Variants in ZNF444 observed in about 807,000 individuals in gnomAD.
ZNF444 encodes the protein endothelial zinc finger protein 2.
Under a neutral mutation model 14.4 loss-of-function variants are expected in ZNF444, and 8 were observed. The ratio of observed to expected loss-of-function variants is 0.56; its 90% CI spans 0.33 to 1.00. The LOEUF is 1.00. Ranked by LOEUF, ZNF444 falls within the 50% of genes least tolerant of loss-of-function variation. ZNF444 has a pLI of 0.03. For synonymous variants in ZNF444, 258 were observed against 235.9 expected (o/e 1.09, Z -0.86); for missense variants, 510 against 504.8 (o/e 1.01, Z -0.10).
Position 56,146,374 on chromosome 19 carries a change from C to T in ZNF444, c.-69C>T, listed in dbSNP as rs562498568. The T allele has an allele frequency of 1.5e-3, 225 of 152,874 alleles. 1 individual carries two copies. Among genetic ancestry groups the T allele is most frequent in the Middle Eastern group, 3.3e-3 (1 of 302 alleles). The allele number at this position is 152,874 out of a possible 1,614,324, so 9.5% of individuals were successfully genotyped here. ...CCTTTCCTCACCACCCGAGTGAGCG[C>T]TGCCCCCTCACAGAGACCTCTTTGC... On this transcript the variant is annotated 5_prime_UTR_variant, in exon 2 of 5. Coordinates refer to ENST00000337080, the MANE Select transcript of ZNF444 (RefSeq NM_018337.4).
chr19:56,148,320 G>T (rs1329415900), intron 3 of ZNF444, among the ~76,000 whole-genome samples: 1 of 152,046 alleles, frequency 6.6e-6, no homozygotes, highest in Non-Finnish European at 1.5e-5. Flanking sequence ...GAGTGAGGGG[G>T]TGTTTGCGGC....
rs150781839 is a variant in ZNF444, at chr19:56,159,027, CCCAT to C, written c.406+431_406+434del. ...ATCTACTCATCCACCCATGCACCCACCCATCCATCATCTGTACATTCATCCACCC... is the reference window on the plus strand; with the variant it reads ...ATCTACTCATCCACCCATGCACCCACCCATCATCTGTACATTCATCCACCC... On this transcript the variant is annotated intron_variant, in intron 4 of 4. Transcript: ENST00000337080. Among the ~76,000 whole-genome samples the C allele has an allele frequency of 6.9e-3, 1,055 of 151,920 alleles. 16 individuals are homozygous for C. The highest frequency in any genetic ancestry group is 0.024 in the African/African-American group (985 of 41,410).
chr19:56,137,011 G>A (rs1422636164), upstream of ZNF444, among the ~76,000 whole-genome samples: 9 of 151,286 alleles, frequency 5.9e-5, no homozygotes, highest in African/African-American at 9.7e-5. Context: ...TCAAGCTCCC[G>A]ACCTCAGGTA....
At chr19:56,154,988 T>C (rs2031818487) in intron 3 of ZNF444, 2 of 152,266 alleles carry the variant, frequency 1.3e-5, no homozygotes, top group African/African-American at 4.8e-5. Flanking sequence ...TGGGTGACCT[T>C]GGACGCATGT....
Position 56,159,662 on chromosome 19 carries a change from G to T in ZNF444, c.445G>T (p.Asp149Tyr). The change falls in exon 5 of 5, where the codon GAC becomes TAC. Residue 149 changes from aspartate (D) to tyrosine (Y), a missense_variant. Coordinates refer to ENST00000337080, the MANE Select transcript of ZNF444 (RefSeq NM_018337.4). ...APGAEGPAPG[D>Y]SQAVRPYKQE... is the part of the protein sequence containing the mutation. ...TGGGGCTGAGGGGCCGGCGCCTGGG[G>T]ACTCCCAGGCTGTGCGCCCCTACAA... The T allele has an allele frequency of 6.8e-7, 1 of 1,474,142 alleles. No homozygotes were observed. Among genetic ancestry groups the T allele is most frequent in the Admixed American group, 2.6e-5 (1 of 38,574 alleles). The allele number at this position is 1,474,142 out of a possible 1,614,324, so 91.3% of individuals were successfully genotyped here.
intron 1 of ZNF444, among the ~76,000 whole-genome samples, chr19:56,135,878 C>G (rs914823378): frequency 2.4e-4 from 36 of 151,342 alleles, no homozygotes; most frequent in Admixed American, 5.9e-4. Flanking sequence ...ATCAGAAGAT[C>G]GACCAGCCTG....
intron 1 of ZNF444, among the ~76,000 whole-genome samples, chr19:56,135,300 A>C (rs1184858934): frequency 6.6e-6 from 1 of 152,192 alleles, no homozygotes; most frequent in African/African-American, 2.4e-5. Context: ...GCCTGCAACC[A>C]CACAGGTTGC....
intron 1 of ZNF444, chr19:56,142,339 C>G (rs2030881365): frequency 1.3e-5 from 2 of 152,228 alleles, no homozygotes; most frequent in African/African-American, 4.8e-5. Context: ...GGACACAGAG[C>G]TGGTAGGAGG....
At chr19:56,152,365 TTTACTCTTAGA>T (rs2031638140) in intron 3 of ZNF444, among the ~76,000 whole-genome samples, 1 of 152,028 alleles carries the variant, frequency 6.6e-6, no homozygotes, top group East Asian at 1.9e-4. Context: ...TTGCCGGGAT[TTTACTCTTAGA>T]TTTGAAGTTG....
At position 56,146,973 on chromosome 19, in the gene ZNF444, A is replaced by ACCGCTTCCG. The variant is rs747902229; in HGVS notation, c.71_79dup (p.Arg24_Phe26dup). 2.8e-6 allele frequency: 4 copies of ACCGCTTCCG among 1,441,424 alleles called. No individual in the cohort carries two copies. Among genetic ancestry groups the ACCGCTTCCG allele is most frequent in the Non-Finnish European group, 1.8e-6 (2 of 1,106,574 alleles). 89.3% of individuals were successfully genotyped at this position (1,441,424 alleles called of 1,614,324 possible). ...GGCCTGGCGCTGGACTCCCCGTGGC[A>ACCGCTTCCG]CCGCTTCCGCCGCTTCCACCTGGGC... is the stretch of plus-strand genomic sequence containing the variant. On this transcript the variant is annotated inframe_insertion, in exon 3 of 5. Transcript: ENST00000337080.
At chr19:56,153,679 C>T (rs2031723964) in intron 3 of ZNF444, among the ~76,000 whole-genome samples, 1 of 152,158 alleles carries the variant, frequency 6.6e-6, no homozygotes, top group South Asian at 2.1e-4. Context: ...CGGATGGGGG[C>T]AGGGCGTCTG....
chr19:56,156,150 G>C (rs1425474933), intron 3 of ZNF444: 1 of 152,302 alleles, frequency 6.6e-6, no homozygotes, highest in Non-Finnish European at 1.5e-5. Context: ...CACGTATGGT[G>C]AGGTCTGGAA....
upstream of ZNF444, among the ~76,000 whole-genome samples, chr19:56,139,553 G>C (rs1039287550): frequency 3.9e-5 from 6 of 152,062 alleles, no homozygotes; most frequent in African/African-American, 1.4e-4. Flanking sequence ...GGGCATGGTG[G>C]TGCACGCCTG....
Position 56,159,840 on chromosome 19 carries a change from C to T in ZNF444, c.623C>T (p.Ala208Val). 6.4e-7 allele frequency: 1 copy of T among 1,563,310 alleles called. No homozygotes were observed. Among genetic ancestry groups the T allele is most frequent in the Non-Finnish European group, 8.6e-7 (1 of 1,160,854 alleles). The change falls in exon 5 of 5, where the codon GCC becomes GTC. Residue 208 changes from alanine (A) to valine (V), a missense_variant. Transcript: ENST00000337080. The stretch of plus-strand genomic sequence containing the variant: ...AGCCACTCGGGCGAGAAGCCGCACG[C>T]CTGCCCTGAGTGCGGGAAGGCCTTT... ...RQSHSGEKPH[A>V]CPECGKAFRR... is the part of the protein sequence containing the mutation.
At chr19:56,149,528 G>C (rs570318564) in intron 3 of ZNF444, among the ~76,000 whole-genome samples, 11 of 152,086 alleles carry the variant, frequency 7.2e-5, no homozygotes, top group East Asian at 3.9e-4. Context: ...TGTGCTGAAC[G>C]TGCAGGTTTG....
rs761170387 is a variant in ZNF444 at position 56,145,344 on chromosome 19, C to T, written c.-196-903C>T. 6.6e-5 allele frequency among the ~76,000 whole-genome samples: 10 copies of T among 152,162 alleles called. No individual in the cohort carries two copies. Among genetic ancestry groups the T allele is most frequent in the Non-Finnish European group, 8.8e-5 (6 of 68,032 alleles). ...CTCATGCCGGTAATCCCAGCACTTT[C>T]GGAGGCCAAGGCAGGTGGATCACCT... On this transcript the variant is annotated intron_variant, in intron 1 of 4. Transcript: ENST00000337080. The surrounding 1 kb of genome is among the most constrained non-coding windows in gnomAD (Gnocchi z 4.3).
chr19:56,137,536 C>T (rs189817213), upstream of ZNF444, among the ~76,000 whole-genome samples: 380 of 152,126 alleles, frequency 2.5e-3, 6 homozygotes, highest in South Asian at 2.9e-3. Flanking sequence ...AAGAAGGAAA[C>T]GGTGTTGGAT....
chr19:56,157,350 T>C (rs896340600), intron 3 of ZNF444: 2 of 152,026 alleles, frequency 1.3e-5, no homozygotes, highest in Non-Finnish European at 1.5e-5. Context: ...GACCCCCTTA[T>C]TTAGGAAACG....
upstream of ZNF444, among the ~76,000 whole-genome samples, chr19:56,136,825 A>G (rs1480576187): frequency 6.6e-6 from 1 of 151,900 alleles, no homozygotes; most frequent in Non-Finnish European, 1.5e-5. Context: ...CTTGTTGCCC[A>G]GGCTGGAGTG....
Sources: allele counts gnomAD v4.1 joint callset (sites outside exome capture counted in the v4.1 genomes callset), GRCh38; gene constraint gnomAD v4.1.1; non-coding constraint Gnocchi (gnomAD v3.1); transcripts MANE v1.5; gene names NCBI Gene and HGNC (gene_info 2026-07-23, HGNC 2026-07-21).